Variants in CSNK2A1 observed in about 807,000 individuals in gnomAD.
CSNK2A1 encodes the protein casein kinase 2 alpha 1.
CSNK2A1 carries 10 observed loss-of-function variants against 62.9 expected under a neutral mutation model. That is an observed-to-expected ratio of 0.16 (90% CI 0.10 to 0.27). The LOEUF (loss-of-function observed/expected upper bound fraction) is 0.27, where lower values mean the gene tolerates loss of function less well. Among genes scored for constraint, CSNK2A1 ranks in the 10% least tolerant of loss-of-function variants. CSNK2A1 has a pLI of 1.00. For synonymous variants in CSNK2A1, 124 were observed against 167.8 expected (o/e 0.74, Z 2.02); for missense variants, 160 against 492.0 (o/e 0.33, Z 6.38).
chr20:488,093 C>T (rs6052414), intron 11 of CSNK2A1: 2,909 of 161,206 alleles, frequency 0.018, 92 homozygotes, highest in African/African-American at 0.066. Context: ...CAGACTGGAG[C>T]GCAGCCACAT....
Position 499,845 on chromosome 20 carries a change from T to C in CSNK2A1, c.303A>G (p.Val101=). 3 of 1,613,782 alleles carry C rather than the reference T, an allele frequency of 1.9e-6. No individual in the cohort carries two copies. The highest frequency in any genetic ancestry group is 2.2e-5 in the East Asian group (1 of 44,878). Residue 101 remains valine, a synonymous_variant, in exon 5 of 14, where the codon GTA becomes GTG. Coordinates refer to ENST00000217244, the MANE Select transcript of CSNK2A1 (RefSeq NM_177559.3). This position sits in a 1 kb window ranked among gnomAD's most constrained non-coding sequence, Gnocchi z 4.2. ...GPNIITLADI[V]KDPVSRTPAL... Reference sequence around the variant, plus strand: ...CTACTATACTCACCACAGGGTCTTTTACAATGTCTGCCAGTGTGATGATGT... The same window carrying C: ...CTACTATACTCACCACAGGGTCTTTCACAATGTCTGCCAGTGTGATGATGT...
chr20:526,309 C>T lies in CSNK2A1; in HGVS notation c.-110+1624G>A, dbSNP rs1186309270. ...AACAGAGTGCAACCCCCAATCTCTA[C>T]AAAAATAATTTAAAAATTAGGCCAG... On this transcript the variant is annotated intron_variant, in intron 2 of 13. Transcript: ENST00000217244. Among the ~76,000 whole-genome samples the T allele has an allele frequency of 3.3e-5, 5 of 151,702 alleles. No individual in the cohort carries two copies. In the South Asian group the frequency reaches 8.3e-4, roughly 25 times the overall value.
intron 2 of CSNK2A1, among the ~76,000 whole-genome samples, chr20:509,457 G>A (rs900020170): frequency 6.6e-6 from 1 of 152,194 alleles, no homozygotes; most frequent in Non-Finnish European, 1.5e-5. Flanking sequence ...TACAGCATGT[G>A]CTGATTCCCC....
chr20:530,976 T>G (rs2019200396), intron 1 of CSNK2A1, among the ~76,000 whole-genome samples: 1 of 151,908 alleles, frequency 6.6e-6, no homozygotes. Context: ...CTCAGCTACT[T>G]GGGAGCCTGA....
chr20:485,452 G>A (rs1298532135), intron 13 of CSNK2A1, among the ~76,000 whole-genome samples: 9 of 152,022 alleles, frequency 5.9e-5, no homozygotes, highest in African/African-American at 2.2e-4. Flanking sequence ...CAAAGTGCTG[G>A]GATTACAGGC....
chr20:510,517 G>T (rs2122577016), intron 2 of CSNK2A1, among the ~76,000 whole-genome samples: 1 of 152,142 alleles, frequency 6.6e-6, no homozygotes, highest in South Asian at 2.1e-4. Context: ...GAAGTAATTA[G>T]AAGTAAACAG....
chr20:543,441 C>T (rs966914865), intron 1 of CSNK2A1, among the ~76,000 whole-genome samples: 9 of 152,110 alleles, frequency 5.9e-5, no homozygotes, highest in Admixed American at 3.3e-4. Flanking sequence ...CGGTTCCCAC[C>T]CTCACATCGG....
At chr20:538,974 A>G (rs2019391197) in intron 1 of CSNK2A1, among the ~76,000 whole-genome samples, 1 of 152,210 alleles carries the variant, frequency 6.6e-6, no homozygotes, top group Non-Finnish European at 1.5e-5. Flanking sequence ...TCTAAGGACA[A>G]TAATAATATT....
chr20:525,605 C>T (rs1399069453), intron 2 of CSNK2A1, among the ~76,000 whole-genome samples: 17 of 143,844 alleles, frequency 1.2e-4, no homozygotes, highest in African/African-American at 4.5e-4. Context: ...GAGCCGAGAT[C>T]GTGCCACTGC....
At chr20:520,468 G>A (rs1213990478) in intron 2 of CSNK2A1, among the ~76,000 whole-genome samples, 1 of 152,052 alleles carries the variant, frequency 6.6e-6, no homozygotes, top group African/African-American at 2.4e-5. Flanking sequence ...CAGTTCAATG[G>A]AGAAAGGACA....
chr20:493,804 TTATCTC>T (rs1212492574), intron 8 of CSNK2A1, among the ~76,000 whole-genome samples: 4 of 152,202 alleles, frequency 2.6e-5, no homozygotes, highest in African/African-American at 4.8e-5. Context: ...CCTCTGCTCT[TTATCTC>T]TATCATTTTG....
rs1180117907 is a variant in CSNK2A1 at position 500,035 on chromosome 20, G to T, written c.214-101C>A. The T allele has an allele frequency of 3.5e-6, 3 of 865,786 alleles. No individual in the cohort carries two copies. In the East Asian group the frequency reaches 7.6e-5, roughly 22 times the overall value. 53.6% of individuals were successfully genotyped at this position (865,786 alleles called of 1,614,324 possible). ...CATAAATGATAAATGGCTTACTTAT[G>T]AGCACACCTTGAAGGAAGAAAATGT... On this transcript the variant is annotated intron_variant, in intron 4 of 13. Coordinates refer to ENST00000217244, the MANE Select transcript of CSNK2A1 (RefSeq NM_177559.3).
In CSNK2A1 at chr20:475,533, T is replaced by C. The variant is rs1399191933; in HGVS notation, c.*8428A>G. On this transcript the variant is annotated 3_prime_UTR_variant, in exon 14 of 14. Coordinates refer to ENST00000217244, the MANE Select transcript of CSNK2A1 (RefSeq NM_177559.3). ...ATATATACATAGATGTTATATGTGG[T>C]TGCCTTCTGTTCCTACTGATATATA... The C allele has an allele frequency of 6.6e-6, 1 of 152,128 alleles. No homozygotes were observed. The highest frequency in any genetic ancestry group is 1.5e-5 in the Non-Finnish European group (1 of 68,024). 9.4% of individuals were successfully genotyped at this position (152,128 alleles called of 1,614,324 possible).
At chr20:523,495 A>C (rs576726793) in intron 2 of CSNK2A1, among the ~76,000 whole-genome samples, 1 of 152,256 alleles carries the variant, frequency 6.6e-6, no homozygotes, top group African/African-American at 2.4e-5. Flanking sequence ...TACACACACA[A>C]TAACTTTGAT....
intron 9 of CSNK2A1, among the ~76,000 whole-genome samples, chr20:491,507 C>CA (rs1357106069): frequency 6.6e-6 from 1 of 151,832 alleles, no homozygotes; most frequent in African/African-American, 2.4e-5. Context: ...TCTCTACACA[C>CA]AAAAAAATTA....
intron 7 of CSNK2A1, 43 bp downstream of exon 7, chr20:497,675 AAAG>A (rs1328221056): frequency 6.6e-7 from 1 of 1,513,360 alleles, no homozygotes; most frequent in Non-Finnish European, 9.1e-7. Context: ...TATTTAACAA[AAAG>A]AAGACCAATT....
chr20:508,976 C>T (rs1306664149), intron 2 of CSNK2A1, among the ~76,000 whole-genome samples: 1 of 152,138 alleles, frequency 6.6e-6, no homozygotes, highest in Non-Finnish European at 1.5e-5. Context: ...TCAGCATTAC[C>T]ACTAGTTATA....
chr20:527,416 A>T (rs1337178367), intron 2 of CSNK2A1, among the ~76,000 whole-genome samples: 1 of 152,230 alleles, frequency 6.6e-6, no homozygotes, highest in African/African-American at 2.4e-5. Flanking sequence ...GTTTAAACTG[A>T]CTGAACTTGC....
chr20:542,366 A>C (rs892140598), intron 1 of CSNK2A1, among the ~76,000 whole-genome samples: 34 of 152,214 alleles, frequency 2.2e-4, no homozygotes, highest in African/African-American at 7.5e-4. Flanking sequence ...GTTTTTAACC[A>C]CTGGGCCTAC....
Sources: gnomAD v4.1 joint callset for allele counts (sites outside exome capture counted in the v4.1 genomes callset) on GRCh38, gnomAD v4.1.1 for gene constraint, Gnocchi (gnomAD v3.1) non-coding constraint, MANE v1.5 for transcripts, NCBI Gene and HGNC (gene_info 2026-07-23, HGNC 2026-07-21) for gene names.